Variants in COG5 observed in about 807,000 individuals in gnomAD.
COG5 encodes component of oligomeric golgi complex 5, also known as conserved oligomeric Golgi complex subunit 5.
A neutral mutation model predicts 110.4 loss-of-function variants in COG5; 86 were observed. That is an observed-to-expected ratio of 0.78 (90% CI 0.65 to 0.93). The LOEUF (loss-of-function observed/expected upper bound fraction) is 0.93, where lower values mean the gene tolerates loss of function less well. Among genes scored for constraint, COG5 ranks in the 40% least tolerant of loss-of-function variants. COG5 has a pLI of 0.00. For synonymous variants in COG5, 360 were observed against 334.6 expected, an observed-to-expected ratio of 1.08 and a Z score of -0.83; for missense variants, 1,077 against 987.0, an observed-to-expected ratio of 1.09 and a Z score of -1.22.
At chr7:107,544,143 C>A (rs897078603) in intron 5 of COG5, among the ~76,000 whole-genome samples, 2 of 152,108 alleles carry the variant, frequency 1.3e-5, no homozygotes, top group Non-Finnish European at 2.9e-5. Flanking sequence ...CCAGGACCAC[C>A]CTTGCAAACC....
At chr7:107,544,547 C>G (rs1802279555) in intron 5 of COG5, among the ~76,000 whole-genome samples, 1 of 152,200 alleles carries the variant, frequency 6.6e-6, no homozygotes, top group South Asian at 2.1e-4. Context: ...GACCTGTGCA[C>G]CTGCTAACCT....
chr7:107,292,361 T>A (rs1232246524), intron 12 of COG5, among the ~76,000 whole-genome samples: 1 of 152,108 alleles, frequency 6.6e-6, no homozygotes, highest in Non-Finnish European at 1.5e-5. Context: ...CAAGTAAAAA[T>A]CTTTATGCCA....
intron 12 of COG5, among the ~76,000 whole-genome samples, chr7:107,287,274 G>A (rs1278842802): frequency 6.6e-6 from 1 of 152,160 alleles, no homozygotes; most frequent in Non-Finnish European, 1.5e-5. Context: ...GAGATAGTGT[G>A]TCAGGCAAAT....
chr7:107,558,692 C>A (rs1353913186), intron 1 of COG5, among the ~76,000 whole-genome samples: 1 of 151,578 alleles, frequency 6.6e-6, no homozygotes, highest in Non-Finnish European at 1.5e-5. Flanking sequence ...CAAGACCATC[C>A]TGGCTAGCAC....
At chr7:107,493,870 T>A (rs1464728356) in intron 6 of COG5, among the ~76,000 whole-genome samples, 1 of 152,110 alleles carries the variant, frequency 6.6e-6, no homozygotes, top group South Asian at 2.1e-4. Flanking sequence ...GACACAGATC[T>A]TCTGCTGTTC....
At chr7:107,343,138 G>A (rs1274923742) in intron 10 of COG5, among the ~76,000 whole-genome samples, 2 of 152,140 alleles carry the variant, frequency 1.3e-5, no homozygotes, top group African/African-American at 2.4e-5. Context: ...ATTACCACAT[G>A]TCCTCAGTTA....
chr7:107,510,159 C>G (rs1029019411), intron 6 of COG5, among the ~76,000 whole-genome samples: 1 of 151,928 alleles, frequency 6.6e-6, no homozygotes, highest in Admixed American at 6.6e-5. Flanking sequence ...ACCCATCTCA[C>G]GTGCAGAGAC....
At chr7:107,247,088 T>A (rs1411177662) in intron 17 of COG5, among the ~76,000 whole-genome samples, 2 of 152,168 alleles carry the variant, frequency 1.3e-5, no homozygotes, top group Non-Finnish European at 2.9e-5. Context: ...TGGAGCTGGA[T>A]GCTATTATCC....
intron 14 of COG5, among the ~76,000 whole-genome samples, chr7:107,262,098 C>T (rs978456353): frequency 6.6e-6 from 1 of 151,998 alleles, no homozygotes; most frequent in African/African-American, 2.4e-5. Context: ...GTCATGTTAG[C>T]TAGGCTGGTC....
At chr7:107,293,640 CTG>C (rs1346434397) in intron 12 of COG5, among the ~76,000 whole-genome samples, 5 of 152,270 alleles carry the variant, frequency 3.3e-5, no homozygotes, top group African/African-American at 1.2e-4. Flanking sequence ...ACCACTTTTT[CTG>C]TCTTTGTCTC....
intron 6 of COG5, among the ~76,000 whole-genome samples, chr7:107,457,671 C>A (rs895747777): frequency 6.6e-6 from 1 of 151,932 alleles, no homozygotes; most frequent in East Asian, 1.9e-4. Flanking sequence ...AGTCGTGATC[C>A]CCCCCGCCTC....
intron 8 of COG5, among the ~76,000 whole-genome samples, chr7:107,368,065 C>A (rs115887824): frequency 6.6e-6 from 1 of 151,746 alleles, no homozygotes; most frequent in Non-Finnish European, 1.5e-5. Flanking sequence ...GGATGGGGGG[C>A]GGGAAGGGAA....
intron 18 of COG5, among the ~76,000 whole-genome samples, chr7:107,234,686 G>C (rs1801037125): frequency 6.6e-6 from 1 of 152,024 alleles, no homozygotes; most frequent in African/African-American, 2.4e-5. Flanking sequence ...GTAGGGGAGA[G>C]AGCCCAGGGA....
intron 5 of COG5, among the ~76,000 whole-genome samples, chr7:107,536,468 C>T (rs946602754): frequency 5.9e-5 from 9 of 152,052 alleles, no homozygotes; most frequent in Admixed American, 1.3e-4. Context: ...CATTCCTATA[C>T]ACCAATAATA....
At chr7:107,273,450 TA>T (rs1804444163) in intron 14 of COG5, among the ~76,000 whole-genome samples, 1 of 152,176 alleles carries the variant, frequency 6.6e-6, no homozygotes, top group Non-Finnish European at 1.5e-5. Context: ...ATGAAGGAAT[TA>T]AATTATAGTC....
At chr7:107,276,468 G>A (rs921069945) in intron 14 of COG5, among the ~76,000 whole-genome samples, 1 of 152,062 alleles carries the variant, frequency 6.6e-6, no homozygotes, top group Non-Finnish European at 1.5e-5. Context: ...CCAGGAGTTC[G>A]AGACCAGCCT....
rs568524982 is a variant in COG5, at chr7:107,549,605, T to C, written c.293-1273A>G. Among the ~76,000 whole-genome samples, 8 of 150,866 alleles carry C rather than the reference T, an allele frequency of 5.3e-5. No individual in the cohort carries two copies. In the South Asian group the frequency reaches 1.7e-3, roughly 32 times the overall value. ...TTTTAGTAGAGATGGGGTTTCACCA[T>C]GTTAGCCAGGATGGTCTCGACCTCC... On this transcript the variant is annotated intron_variant, in intron 3 of 21. Coordinates refer to ENST00000297135, the MANE Select transcript of COG5 (RefSeq NM_006348.5).
chr7:107,413,685 T>TA (rs1563019360), intron 6 of COG5, among the ~76,000 whole-genome samples: 3 of 152,210 alleles, frequency 2.0e-5, no homozygotes, highest in African/African-American at 7.2e-5. Flanking sequence ...AGTCTTTATA[T>TA]ATCTGCTCTT....
intron 6 of COG5, chr7:107,471,266 T>G (rs1239019583): frequency 6.6e-6 from 1 of 152,108 alleles, no homozygotes; most frequent in Admixed American, 6.6e-5. Context: ...TTTGGTTATT[T>G]TGATAACAAA....
Sources: allele counts gnomAD v4.1 joint callset (sites outside exome capture counted in the v4.1 genomes callset), GRCh38; gene constraint gnomAD v4.1.1; transcripts MANE v1.5; gene names NCBI Gene and HGNC (gene_info 2026-07-23, HGNC 2026-07-21).